FLT1: variants seen among roughly 807,000 people sequenced by gnomAD.
The protein encoded by FLT1 is vascular endothelial growth factor receptor 1.
Under a neutral mutation model 156.3 loss-of-function variants are expected in FLT1, and 49 were observed. That is an observed-to-expected ratio of 0.31 (90% CI 0.25 to 0.40). The LOEUF is 0.40. FLT1 is among the 10% of genes least tolerant of loss of function. FLT1 has a pLI of 1.00. For missense variants in FLT1, 1,322 were observed against 1,637.2 expected, an observed-to-expected ratio of 0.81 and a Z score of 3.32; for synonymous variants, 594 against 583.8, an observed-to-expected ratio of 1.02 and a Z score of -0.25.
intron 22 of FLT1, 103 bp from the exon 23 acceptor site, chr13:28,321,688 T>C: frequency 5.0e-6 from 6 of 1,196,260 alleles, no homozygotes; most frequent in Non-Finnish European, 7.4e-6. Flanking sequence ...CCATTTCACA[T>C]GCTGTGAAGG....
chr13:28,444,686 T>C (rs1021055703), intron 3 of FLT1, among the ~76,000 whole-genome samples: 1 of 152,140 alleles, frequency 6.6e-6, no homozygotes, highest in Non-Finnish European at 1.5e-5. Context: ...CTGAATACAG[T>C]GGAATGCAAT....
At chr13:28,390,905 T>C (rs1412530713) in intron 12 of FLT1, among the ~76,000 whole-genome samples, 2 of 152,230 alleles carry the variant, frequency 1.3e-5, no homozygotes, top group Non-Finnish European at 2.9e-5. Context: ...CCTAGACTTT[T>C]GCAGTGAGAA....
At chr13:28,363,940 G>A (rs1192415984) in intron 14 of FLT1, among the ~76,000 whole-genome samples, 1 of 152,112 alleles carries the variant, frequency 6.6e-6, no homozygotes, top group Non-Finnish European at 1.5e-5. Context: ...AATGATTGAT[G>A]TGAAATGGTA....
In FLT1 at chr13:28,372,293, G is replaced by T. The variant is rs181413772; in HGVS notation, c.2116+12592C>A. Among the ~76,000 whole-genome samples, 4 of 148,394 alleles carry T rather than the reference G, an allele frequency of 2.7e-5. No homozygotes were observed. In the South Asian group the frequency reaches 8.6e-4, roughly 32 times the overall value. On this transcript the variant is annotated intron_variant, in intron 14 of 29. Coordinates refer to ENST00000282397, the MANE Select transcript of FLT1 (RefSeq NM_002019.4). ...GATAGAGTTTCACTATGTTGGCCAA[G>T]CTGGTCTTGAACTCCTGACCTCAGG...
chr13:28,303,367 A>C lies in FLT1; in HGVS notation c.3817T>G (p.Leu1273Val), dbSNP rs1419959680. 5 of 1,613,422 alleles carry C rather than the reference A, an allele frequency of 3.1e-6. No individual in the cohort carries two copies. ...TCCTTACTTTTACTGGTTACTCTCA[A>C]GCTAAAGAAAGAAAGGAAAGAAATC... is the stretch of plus-strand genomic sequence containing the variant. ...SKPKASLKID[L>V]RVTSKSKESG... Residue 1273 changes from leucine to valine, a missense_variant and splice_region_variant, in exon 30 of 30, where the codon TTG (leucine) becomes GTG (valine). Coordinates refer to ENST00000282397, the MANE Select transcript of FLT1 (RefSeq NM_002019.4).
chr13:28,365,089 G>A (rs756547765), intron 14 of FLT1, among the ~76,000 whole-genome samples: 9 of 152,030 alleles, frequency 5.9e-5, no homozygotes, highest in Non-Finnish European at 1.2e-4. Context: ...ATACTTTGAC[G>A]TACAAAAATG....
chr13:28,327,756 CA>C (rs56031277), intron 19 of FLT1, among the ~76,000 whole-genome samples: 300 of 122,756 alleles, frequency 2.4e-3, no homozygotes, highest in African/African-American at 8.8e-3. Flanking sequence ...AATTGAAATA[CA>C]AAAAAAAAAA....
In FLT1 at chr13:28,467,006, G is replaced by A. The variant is rs760487345; in HGVS notation, c.285C>T (p.Asn95=). The stretch of plus-strand genomic sequence containing the variant: ...AGCCAGTGTGGTTTGCTTGAGCTGT[G>A]TTCAAGGTTAAAGTACTGCAGAATT... The part of the protein sequence containing the change: ...GKQFCSTLTL[N]TAQANHTGFY... Residue 95 remains asparagine, a synonymous_variant, in exon 3 of 30, where the codon AAC becomes AAT. Transcript: ENST00000282397. 2.7e-5 allele frequency: 43 copies of A among 1,614,004 alleles called. No individual in the cohort carries two copies. In the Admixed American group the frequency reaches 4.3e-4, roughly 16 times the overall value.
chr13:28,319,085 A>T (rs1022216493), intron 24 of FLT1, among the ~76,000 whole-genome samples: 2 of 152,168 alleles, frequency 1.3e-5, no homozygotes, highest in Admixed American at 1.3e-4. Context: ...TAAGGGCATT[A>T]GAGGTGTGGG....
chr13:28,427,428 A>G (rs1877412880), intron 9 of FLT1, 110 bp from the exon 10 acceptor site: 1 of 1,029,998 alleles, frequency 9.7e-7, no homozygotes, highest in East Asian at 2.5e-5. Flanking sequence ...CAGGGAAACA[A>G]ACAAGAAACA....
At chr13:28,494,064 C>A (rs1305368700) in intron 1 of FLT1, among the ~76,000 whole-genome samples, 1 of 152,226 alleles carries the variant, frequency 6.6e-6, no homozygotes, top group Admixed American at 6.5e-5. Flanking sequence ...GAGGCCCCAC[C>A]CGGGTGGCTG....
At chr13:28,448,928 GTT>G (rs1402582269) in intron 3 of FLT1, among the ~76,000 whole-genome samples, 1 of 152,078 alleles carries the variant, frequency 6.6e-6, no homozygotes, top group African/African-American at 2.4e-5. Flanking sequence ...CCTGCATCCA[GTT>G]TAGGCCACTC....
At chr13:28,453,197 C>T (rs1489847427) in intron 3 of FLT1, among the ~76,000 whole-genome samples, 3 of 150,268 alleles carry the variant, frequency 2.0e-5, no homozygotes, top group Non-Finnish European at 4.4e-5. Flanking sequence ...CATCTCAGCT[C>T]ACTGCAAGCT....
chr13:28,412,319 T>TTCTC (rs1301781628), intron 10 of FLT1, among the ~76,000 whole-genome samples: 1 of 40,978 alleles, frequency 2.4e-5, no homozygotes, highest in East Asian at 1.7e-3. Context: ...CTTTCTTTCT[T>TTCTC]TCTTTCTTTC....
chr13:28,323,692 C>G (rs978376196), intron 20 of FLT1, among the ~76,000 whole-genome samples: 3 of 150,602 alleles, frequency 2.0e-5, no homozygotes, highest in African/African-American at 4.9e-5. Flanking sequence ...CAGGATTGGT[C>G]GATGCCCACA....
intron 3 of FLT1, among the ~76,000 whole-genome samples, chr13:28,461,136 CTT>C (rs201568374): frequency 1.5e-4 from 22 of 145,132 alleles, no homozygotes; most frequent in Admixed American, 2.1e-4. Context: ...CAGCTCCTAG[CTT>C]TTTTTTTTTT....
intron 14 of FLT1, among the ~76,000 whole-genome samples, chr13:28,377,498 G>A (rs1004708765): frequency 1.3e-5 from 2 of 149,584 alleles, no homozygotes; most frequent in Non-Finnish European, 3.0e-5. Context: ...CGATAATAGC[G>A]AATAAGGCAG....
At chr13:28,494,686 TC>T in intron 1 of FLT1, 93 bp downstream of exon 1, 1 of 961,296 alleles carries the variant, frequency 1.0e-6, no homozygotes, top group Admixed American at 2.2e-5. Context: ...CAGCCTCGTC[TC>T]CCCGCGTGCA....
At chr13:28,306,558 G>A (rs191180637) in intron 29 of FLT1, 120 bp downstream of exon 29, 44 of 764,366 alleles carry the variant, frequency 5.8e-5, no homozygotes, top group East Asian at 3.1e-4. Context: ...TGCAACTCCC[G>A]GATACCACAG....
Sources: gnomAD v4.1 joint callset for allele counts (sites outside exome capture counted in the v4.1 genomes callset) on GRCh38, gnomAD v4.1.1 for gene constraint, MANE v1.5 for transcripts, NCBI Gene and HGNC (gene_info 2026-07-23, HGNC 2026-07-21) for gene names.